TSHZ2: variants seen among roughly 807,000 people sequenced by gnomAD.
The protein encoded by TSHZ2 is teashirt zinc finger homeobox 2.
TSHZ2 carries 21 observed loss-of-function variants against 74.4 expected under a neutral mutation model. That is an observed-to-expected ratio of 0.28 (90% CI 0.20 to 0.41). The LOEUF is 0.41. TSHZ2 is among the 10% of genes least tolerant of loss of function. TSHZ2 has a pLI of 1.00. For missense variants in TSHZ2, 1,244 were observed against 1,293.5 expected (o/e 0.96, Z 0.59); for synonymous variants, 540 against 515.3 (o/e 1.05, Z -0.65).
intron 2 of TSHZ2, among the ~76,000 whole-genome samples, chr20:53,442,617 G>A (rs375239534): frequency 1.3e-5 from 2 of 152,120 alleles, no homozygotes; most frequent in African/African-American, 4.8e-5. Flanking sequence ...CTGAGAGATC[G>A]CTCATCGCTC....
chr20:52,982,343 A>G lies in TSHZ2; in HGVS notation c.40+9010A>G, dbSNP rs1003067398. ...CATAGCGAGTTGCCAGGAAGGACCC[A>G]AGGAAGAACCCTCAGTCTTATTATT... On this transcript the variant is annotated intron_variant, in intron 1 of 2. Coordinates refer to ENST00000371497, the MANE Select transcript of TSHZ2 (RefSeq NM_173485.6). Among the ~76,000 whole-genome samples the G allele has an allele frequency of 2.0e-5, 3 of 152,180 alleles. No individual in the cohort carries two copies. In the South Asian group the frequency reaches 6.2e-4, roughly 32 times the overall value.
chr20:53,008,484 A>G (rs1428834231), intron 1 of TSHZ2, among the ~76,000 whole-genome samples: 2 of 152,162 alleles, frequency 1.3e-5, no homozygotes, highest in Non-Finnish European at 2.9e-5. Context: ...TTCCCCTGAC[A>G]GTCAGAAAAG....
intron 2 of TSHZ2, among the ~76,000 whole-genome samples, chr20:53,472,717 G>A (rs963143943): frequency 1.3e-4 from 19 of 151,812 alleles, no homozygotes; most frequent in Non-Finnish European, 1.9e-4. Context: ...CGCAGAAGAC[G>A]GTGATTTCTG....
intron 2 of TSHZ2, among the ~76,000 whole-genome samples, chr20:53,474,711 G>T (rs1349642161): frequency 8.1e-6 from 1 of 123,542 alleles, no homozygotes; most frequent in East Asian, 2.6e-4. Flanking sequence ...ACACAGACTG[G>T]CAAATTGGAT....
chr20:53,235,821 T>A (rs1186009337), intron 1 of TSHZ2, among the ~76,000 whole-genome samples: 1 of 152,188 alleles, frequency 6.6e-6, no homozygotes, highest in East Asian at 1.9e-4. Flanking sequence ...AGCAATTGAG[T>A]TAGTTGAACA....
At chr20:53,007,089 CTG>C (rs1228328772) in intron 1 of TSHZ2, among the ~76,000 whole-genome samples, 1 of 152,146 alleles carries the variant, frequency 6.6e-6, no homozygotes, top group Non-Finnish European at 1.5e-5. Context: ...AAGGCTGCTA[CTG>C]TGAGGGTGTC....
At chr20:53,048,002 C>T (rs549226856) in intron 1 of TSHZ2, among the ~76,000 whole-genome samples, 1 of 152,168 alleles carries the variant, frequency 6.6e-6, no homozygotes, top group Non-Finnish European at 1.5e-5. Flanking sequence ...TAAACAGGTT[C>T]GTAAGTGGCT....
intron 2 of TSHZ2, among the ~76,000 whole-genome samples, chr20:53,396,060 C>T (rs1362391336): frequency 4.6e-5 from 7 of 152,156 alleles, no homozygotes; most frequent in Admixed American, 1.3e-4. Flanking sequence ...CTCAGCCTCC[C>T]GAGTAGCTGG....
intron 1 of TSHZ2, among the ~76,000 whole-genome samples, chr20:53,083,278 T>C (rs1936963): frequency 0.16 from 24,509 of 152,206 alleles, 2,370 homozygotes; most frequent in East Asian, 0.36. Flanking sequence ...AATGTAGCTA[T>C]CAATGTTATT....
intron 2 of TSHZ2, among the ~76,000 whole-genome samples, chr20:53,426,869 T>G (rs1226695277): frequency 1.3e-5 from 2 of 152,182 alleles, no homozygotes; most frequent in African/African-American, 4.8e-5. Flanking sequence ...AGAAAAGAGA[T>G]CAGTGAAATT....
intron 1 of TSHZ2, among the ~76,000 whole-genome samples, chr20:53,141,339 T>C (rs1987397063): frequency 6.6e-6 from 1 of 152,170 alleles, no homozygotes; most frequent in Non-Finnish European, 1.5e-5. Context: ...CATCACTTCC[T>C]CATTAGTTCT....
chr20:53,288,418 A>T (rs1224939574), intron 2 of TSHZ2, among the ~76,000 whole-genome samples: 2 of 152,144 alleles, frequency 1.3e-5, no homozygotes. Context: ...TTCAAAAAAA[A>T]AAAAAAAAAC....
intron 1 of TSHZ2, among the ~76,000 whole-genome samples, chr20:53,222,547 G>C (rs1270599492): frequency 6.6e-6 from 1 of 152,200 alleles, no homozygotes; most frequent in Non-Finnish European, 1.5e-5. Flanking sequence ...AATACCATGT[G>C]CAAAAATGCG....
At chr20:53,257,479 C>A (rs1990508399) in intron 2 of TSHZ2, among the ~76,000 whole-genome samples, 1 of 152,198 alleles carries the variant, frequency 6.6e-6, no homozygotes. Context: ...ATGCCCAGAC[C>A]ATTTGTGTCA....
intron 2 of TSHZ2, among the ~76,000 whole-genome samples, chr20:53,387,587 CTTGAT>C (rs1982095474): frequency 6.6e-6 from 1 of 152,146 alleles, no homozygotes; most frequent in Non-Finnish European, 1.5e-5. Flanking sequence ...GCTCTCAAGT[CTTGAT>C]TTGGGAAGAA....
chr20:53,208,004 G>A (rs922030834), intron 1 of TSHZ2, among the ~76,000 whole-genome samples: 1 of 151,336 alleles, frequency 6.6e-6, no homozygotes, highest in East Asian at 1.9e-4. Flanking sequence ...CCAGCCTCCT[G>A]TAGTTCTACT....
At chr20:53,025,144 A>G (rs923558499) in intron 1 of TSHZ2, among the ~76,000 whole-genome samples, 1 of 150,174 alleles carries the variant, frequency 6.7e-6, no homozygotes, top group African/African-American at 2.5e-5. Context: ...AGTATTAAAG[A>G]CTATATATTA....
chr20:53,149,177 G>C (rs1480318178), intron 1 of TSHZ2, among the ~76,000 whole-genome samples: 1 of 150,916 alleles, frequency 6.6e-6, no homozygotes, highest in Non-Finnish European at 1.5e-5. Flanking sequence ...AGCTCTTTTA[G>C]GGTTTTTTTT....
intron 1 of TSHZ2, among the ~76,000 whole-genome samples, chr20:53,001,565 C>G (rs180976838): frequency 1.3e-5 from 2 of 152,272 alleles, no homozygotes; most frequent in East Asian, 3.9e-4. Flanking sequence ...CTCACCATTG[C>G]TAGCTTTTTC....
Sources: allele counts gnomAD v4.1 joint callset (sites outside exome capture counted in the v4.1 genomes callset), GRCh38; gene constraint gnomAD v4.1.1; transcripts MANE v1.5; gene names NCBI Gene and HGNC (gene_info 2026-07-23, HGNC 2026-07-21).